METTL15: variants seen among roughly 807,000 people sequenced by gnomAD.
METTL15 encodes 12S rRNA N(4)-cytidine methyltransferase METTL15.
In METTL15, 34 loss-of-function variants were observed where a neutral mutation model predicts 38.3. That is an observed-to-expected ratio of 0.89 (90% CI 0.68 to 1.18). The LOEUF (loss-of-function observed/expected upper bound fraction) is 1.18. METTL15 is among the 50% of genes most tolerant of loss of function. METTL15 has a pLI of 0.00. For synonymous variants in METTL15, 162 were observed against 170.9 expected (o/e 0.95, Z 0.41); for missense variants, 438 against 498.4 (o/e 0.88, Z 1.15).
chr11:28,366,384 T>C (rs1850185723), intron 5 of METTL15, among the ~76,000 whole-genome samples: 1 of 152,076 alleles, frequency 6.6e-6, no homozygotes, highest in Admixed American at 6.5e-5. Flanking sequence ...TAATTAACAA[T>C]AAAAATAAAA....
chr11:28,193,376 T>A (rs1851771817), intron 3 of METTL15, among the ~76,000 whole-genome samples: 2 of 152,060 alleles, frequency 1.3e-5, no homozygotes, highest in Admixed American at 1.3e-4. Context: ...CAGGCACATC[T>A]TACATTGCCA....
At chr11:28,293,512 T>A (rs1351194116) in intron 5 of METTL15, among the ~76,000 whole-genome samples, 1 of 152,302 alleles carries the variant, frequency 6.6e-6, no homozygotes. Flanking sequence ...TTTGTTCTTG[T>A]GGCTTAGGAT....
intron 5 of METTL15, among the ~76,000 whole-genome samples, chr11:28,410,108 T>C (rs1850711770): frequency 4.6e-5 from 7 of 152,040 alleles, no homozygotes; most frequent in Non-Finnish European, 1.5e-5. Flanking sequence ...AATAAAGAGA[T>C]TGAAGAGATA....
At chr11:28,175,897 A>G (rs181218849) in intron 3 of METTL15, among the ~76,000 whole-genome samples, 7 of 152,014 alleles carry the variant, frequency 4.6e-5, no homozygotes, top group Non-Finnish European at 8.8e-5. Flanking sequence ...AAGAGATAGA[A>G]AATAAATGTG....
chr11:28,249,779 T>TA (rs149612924), intron 4 of METTL15, among the ~76,000 whole-genome samples: 354 of 152,050 alleles, frequency 2.3e-3, no homozygotes, highest in African/African-American at 8.0e-3. Context: ...GTTATATAGG[T>TA]AAATTGCATG....
At chr11:28,282,165 C>T (rs1301928210) in intron 4 of METTL15, among the ~76,000 whole-genome samples, 3 of 152,162 alleles carry the variant, frequency 2.0e-5, no homozygotes, top group Admixed American at 6.5e-5. Flanking sequence ...TAACATGCTA[C>T]TCTCTCCCAG....
intron 6 of METTL15, among the ~76,000 whole-genome samples, chr11:28,455,062 A>G (rs1314535405): frequency 6.6e-6 from 1 of 152,058 alleles, no homozygotes; most frequent in Non-Finnish European, 1.5e-5. Context: ...GAGTTCCAAG[A>G]TACTCAGGTC....
intron 3 of METTL15, among the ~76,000 whole-genome samples, chr11:28,137,894 T>TTA (rs1174576343): frequency 6.6e-6 from 1 of 152,046 alleles, no homozygotes; most frequent in African/African-American, 2.4e-5. Flanking sequence ...ACATGTATGA[T>TTA]TATACAGACA....
chr11:28,467,705 A>C (rs1851268456), intron 6 of METTL15, among the ~76,000 whole-genome samples: 1 of 152,144 alleles, frequency 6.6e-6, no homozygotes, highest in Non-Finnish European at 1.5e-5. Context: ...CCAGTCACAA[A>C]ATGGTGAAAC....
chr11:28,373,611 CTTTAG>C (rs1477082656), intron 5 of METTL15, among the ~76,000 whole-genome samples: 2 of 151,842 alleles, frequency 1.3e-5, no homozygotes, highest in African/African-American at 4.8e-5. Context: ...TGCAGAAGCT[CTTTAG>C]TTTAATTAGT....
At chr11:28,275,936 G>C (rs1412836478) in intron 4 of METTL15, among the ~76,000 whole-genome samples, 1 of 152,048 alleles carries the variant, frequency 6.6e-6, no homozygotes. Context: ...AGGCATAGAA[G>C]GAACATTCCT....
At chr11:28,384,714 C>A (rs1032336679) in intron 5 of METTL15, among the ~76,000 whole-genome samples, 2 of 152,124 alleles carry the variant, frequency 1.3e-5, no homozygotes, top group East Asian at 1.9e-4. Context: ...TGAGGAGTTG[C>A]CACACTGATT....
At chr11:28,286,372 G>T (rs1042210235) in intron 4 of METTL15, among the ~76,000 whole-genome samples, 1 of 152,138 alleles carries the variant, frequency 6.6e-6, no homozygotes, top group Admixed American at 6.6e-5. Flanking sequence ...GGGCACTGTA[G>T]CTTAGCCAAG....
intron 4 of METTL15, among the ~76,000 whole-genome samples, chr11:28,270,195 A>G (rs1209979691): frequency 2.0e-5 from 3 of 152,184 alleles, no homozygotes; most frequent in African/African-American, 4.8e-5. Flanking sequence ...AAAATATGGC[A>G]TCTGATCATT....
chr11:28,220,084 G>T (rs1324073234), intron 4 of METTL15, among the ~76,000 whole-genome samples: 2 of 152,156 alleles, frequency 1.3e-5, no homozygotes, highest in Non-Finnish European at 2.9e-5. Flanking sequence ...GGTCCGCTTT[G>T]TGCAGAGCTG....
At chr11:28,396,129 C>T (rs1307447242) in intron 5 of METTL15, among the ~76,000 whole-genome samples, 1 of 152,132 alleles carries the variant, frequency 6.6e-6, no homozygotes. Flanking sequence ...GACAAACCCA[C>T]AGCCAATACA....
chr11:28,368,917 C>A (rs1850216322), intron 5 of METTL15, among the ~76,000 whole-genome samples: 1 of 152,016 alleles, frequency 6.6e-6, no homozygotes, highest in Non-Finnish European at 1.5e-5. Flanking sequence ...AAACCAAACA[C>A]CATATGTTCT....
chr11:28,124,475 G>A (rs141462961), intron 3 of METTL15, among the ~76,000 whole-genome samples: 3 of 152,090 alleles, frequency 2.0e-5, no homozygotes, highest in Admixed American at 6.6e-5. Context: ...TCTCTCACTC[G>A]TGCAAGGAAA....
intron 6 of METTL15, among the ~76,000 whole-genome samples, chr11:28,479,356 G>GACAGA (rs1851375523): frequency 6.6e-6 from 1 of 152,264 alleles, no homozygotes; most frequent in East Asian, 1.9e-4. Flanking sequence ...AAAGAGTGAT[G>GACAGA]TAAAAGTGAC....
Sources: allele counts gnomAD v4.1 joint callset (sites outside exome capture counted in the v4.1 genomes callset), GRCh38; gene constraint gnomAD v4.1.1; transcripts MANE v1.5; gene names NCBI Gene and HGNC (gene_info 2026-07-23, HGNC 2026-07-21).